Variants in ALOX15B observed in about 807,000 individuals in gnomAD.
The protein encoded by ALOX15B is polyunsaturated fatty acid lipoxygenase ALOX15B.
A neutral mutation model predicts 73.8 loss-of-function variants in ALOX15B; 74 were observed. That is an observed-to-expected ratio of 1.00 (90% CI 0.83 to 1.22). The LOEUF is 1.22. ALOX15B is among the 50% of genes most tolerant of loss of function. ALOX15B has a pLI of 0.00. For synonymous variants in ALOX15B, 353 were observed against 357.2 expected (o/e 0.99, Z 0.13); for missense variants, 896 against 859.9 (o/e 1.04, Z -0.52).
rs780788229 is a variant in ALOX15B at position 8,044,786 on chromosome 17, C to T, written c.677-43C>T. ...CGTGTCCCCCACCCCCTGCAAAGCACGCATTTGAGTGACCCCGTTCCCCTG... is the reference window on the plus strand; with the variant it reads ...CGTGTCCCCCACCCCCTGCAAAGCATGCATTTGAGTGACCCCGTTCCCCTG... On this transcript the variant is annotated intron_variant, in intron 5 of 13. Coordinates refer to ENST00000380183, the MANE Select transcript of ALOX15B (RefSeq NM_001141.3). 33 of 1,264,046 alleles carry T rather than the reference C, an allele frequency of 2.6e-5. 1 individual carries two copies. The Middle Eastern group carries it at 2.7e-3, about 105-fold the overall frequency. 78.3% of individuals were successfully genotyped at this position (1,264,046 alleles called of 1,614,324 possible).
intron 5 of ALOX15B, among the ~76,000 whole-genome samples, chr17:8,044,120 G>GAAGA: frequency 7.2e-6 from 1 of 139,294 alleles, no homozygotes; most frequent in Non-Finnish European, 1.6e-5. Context: ...AGGAAGGAAG[G>GAAGA]AAGGAAGGAA....
At position 8,047,015 on chromosome 17, in the gene ALOX15B, G is replaced by A; in HGVS notation, c.1396G>A (p.Glu466Lys). The change falls in exon 10 of 14, where the codon GAA (glutamate) becomes AAA (lysine). Residue 466 changes from glutamate (E) to lysine (K), a missense_variant. Transcript: ENST00000380183. ...LPEDIRTRGVEDIPGYYYRDD... is the reference protein window; with the variant it reads ...LPEDIRTRGVKDIPGYYYRDD... ...TGAGGATATCCGGACCCGAGGAGTT[G>A]AAGACATCCCAGGCTACTACTACCG... 8 of 1,614,102 alleles carry A rather than the reference G, an allele frequency of 5.0e-6. No homozygotes were observed. Among genetic ancestry groups the A allele is most frequent in the Non-Finnish European group, 6.8e-6 (8 of 1,180,016 alleles).
In ALOX15B at chr17:8,044,761, C is replaced by T. The variant is rs578113448; in HGVS notation, c.677-68C>T. Reference sequence around the variant, plus strand: ...GTGGGAGCTGGGGTAACCCCGTCCCCGTGTCCCCCACCCCCTGCAAAGCAC... The same window carrying T: ...GTGGGAGCTGGGGTAACCCCGTCCCTGTGTCCCCCACCCCCTGCAAAGCAC... On this transcript the variant is annotated intron_variant, in intron 5 of 13. Coordinates refer to ENST00000380183, the MANE Select transcript of ALOX15B (RefSeq NM_001141.3). 439 of 1,049,518 alleles carry T rather than the reference C, an allele frequency of 4.2e-4. 15 individuals carry two copies. The highest frequency in any genetic ancestry group is 3.1e-3 in the African/African-American group (194 of 62,224). 65.0% of individuals were successfully genotyped at this position (1,049,518 alleles called of 1,614,324 possible).
chr17:8,042,584 G>A, intron 4 of ALOX15B, 93 bp downstream of exon 4: 2 of 1,526,630 alleles, frequency 1.3e-6, no homozygotes, highest in Non-Finnish European at 1.8e-6. Context: ...CACCCTCAGT[G>A]ATATGAGTCA....
chr17:8,047,439 C>G (rs1976641749), intron 11 of ALOX15B, 60 bp downstream of exon 11: 1 of 1,606,660 alleles, frequency 6.2e-7, no homozygotes, highest in Non-Finnish European at 8.5e-7. Context: ...TCCCCCACCC[C>G]CTGCAGAGCA....
In ALOX15B at chr17:8,046,904, C is replaced by G; in HGVS notation, c.1288-3C>G. On this transcript the variant is annotated splice_polypyrimidine_tract_variant and splice_region_variant and intron_variant, in intron 9 of 13. Transcript: ENST00000380183. ...TGTAGGACCCAAGAGTCCTGTCTCT[C>G]AGTCCACAGGCATCGGCATTGAAGG... is the stretch of plus-strand genomic sequence containing the variant. 6.2e-7 allele frequency: 1 copy of G among 1,614,034 alleles called. No homozygotes were observed. The highest frequency in any genetic ancestry group is 8.5e-7 in the Non-Finnish European group (1 of 1,179,938).
At position 8,047,278 on chromosome 17, in the gene ALOX15B, G is replaced by A. The variant is rs561187104; in HGVS notation, c.1478G>A (p.Gly493Asp). 11 of 1,613,934 alleles carry A rather than the reference G, an allele frequency of 6.8e-6. No homozygotes were observed. In the South Asian group the frequency reaches 8.8e-5, roughly 13 times the overall value. ...AVERFVSEIIGIYYPSDESVQ... is the reference protein window; with the variant it reads ...AVERFVSEIIDIYYPSDESVQ... ...TGCAGCTTTGTCTCTGAAATCATCG[G>A]TATCTACTACCCAAGTGATGAGTCT... The change falls in exon 11 of 14, where the codon GGT becomes GAT. Residue 493 changes from glycine to aspartate, a missense_variant. Transcript: ENST00000380183.
Position 8,039,527 on chromosome 17 carries a change from C to CT in ALOX15B, c.289_290insT (p.Pro97LeufsTer68). The CT allele has an allele frequency of 8.4e-6, 13 of 1,552,004 alleles. No individual in the cohort carries two copies. The highest frequency in any genetic ancestry group is 9.5e-6 in the Non-Finnish European group (11 of 1,152,358). On this transcript the variant is annotated frameshift_variant, in exon 2 of 14. Coordinates refer to ENST00000380183, the MANE Select transcript of ALOX15B (RefSeq NM_001141.3). LOFTEE classifies it high-confidence loss of function. ...CTGCCGCTGGTTCCAGCTGACACCG[C>CT]CGCGGGGCGGCCACCTCCTCTTCCC...
Position 8,045,586 on chromosome 17 carries a change from T to A in ALOX15B, c.1100T>A (p.Phe367Tyr). 6.2e-7 allele frequency: 1 copy of A among 1,614,146 alleles called. No homozygotes were observed. The change falls in exon 8 of 14, where the codon TTC becomes TAC. Residue 367 changes from phenylalanine to tyrosine, a missense_variant. Coordinates refer to ENST00000380183, the MANE Select transcript of ALOX15B (RefSeq NM_001141.3). ...KTWVRNAEFS[F>Y]HEALTHLLHS... ...TGGGTGCGCAATGCCGAGTTCTCCTTCCATGAGGCCCTCACGCACCTGCTG... is the reference window on the plus strand; with the variant it reads ...TGGGTGCGCAATGCCGAGTTCTCCTACCATGAGGCCCTCACGCACCTGCTG...
rs754210478 is a variant in ALOX15B at position 8,045,583 on chromosome 17, C to T, written c.1097C>T (p.Ser366Phe). The T allele has an allele frequency of 3.0e-5, 48 of 1,614,076 alleles. No individual in the cohort carries two copies. Among genetic ancestry groups the T allele is most frequent in the South Asian group, 7.7e-5 (7 of 91,092 alleles). The change falls in exon 8 of 14, where the codon TCC (serine) becomes TTC (phenylalanine). Residue 366 changes from serine to phenylalanine, a missense_variant. By Grantham distance (155) the Ser-to-Phe change is radical. Coordinates refer to ENST00000380183, the MANE Select transcript of ALOX15B (RefSeq NM_001141.3). ...AKTWVRNAEF[S>F]FHEALTHLLH... ...ACCTGGGTGCGCAATGCCGAGTTCT[C>T]CTTCCATGAGGCCCTCACGCACCTG...
At chr17:8,044,423 CAAAA>C (rs56146478) in intron 5 of ALOX15B, among the ~76,000 whole-genome samples, 1 of 93,722 alleles carries the variant, frequency 1.1e-5, no homozygotes. Flanking sequence ...CAGCCTGTCT[CAAAA>C]AAAAAAAAAA....
chr17:8,040,644 A>AAAGAAAGG (rs1976433531), intron 3 of ALOX15B, among the ~76,000 whole-genome samples: 1 of 122,516 alleles, frequency 8.2e-6, no homozygotes, highest in East Asian at 2.5e-4. Context: ...AGAAAGAAAG[A>AAAGAAAGG]AAGAAAGAAA....
At chr17:8,044,105 G>GGA (rs1555638987) in intron 5 of ALOX15B, among the ~76,000 whole-genome samples, 2 of 62,318 alleles carry the variant, frequency 3.2e-5, no homozygotes, top group Admixed American at 1.8e-4. Flanking sequence ...GAGAGAGAGA[G>GGA]AGGAAGGAAG....
intron 4 of ALOX15B, 142 bp downstream of exon 4, chr17:8,042,633 AATCCC>A (rs1179535065): frequency 1.5e-6 from 2 of 1,370,734 alleles, no homozygotes; most frequent in Non-Finnish European, 2.0e-6. Context: ...TCCCACTACC[AATCCC>A]ACAGAGCAAC....
chr17:8,041,355 G>C (rs915109278), intron 3 of ALOX15B, among the ~76,000 whole-genome samples: 4 of 152,326 alleles, frequency 2.6e-5, no homozygotes, highest in African/African-American at 9.6e-5. Flanking sequence ...GCTAAGTCTT[G>C]CACAACTGTG....
chr17:8,048,681 G>A lies in ALOX15B; in HGVS notation c.*116G>A. The A allele has an allele frequency of 8.6e-7, 1 of 1,156,264 alleles. No individual in the cohort carries two copies. 71.6% of individuals were successfully genotyped at this position (1,156,264 alleles called of 1,614,324 possible). ...ACAGGCCCCCATGTGCCTCTCCTGG[G>A]ACAACCAGACTCTGTAACTCACCCC... On this transcript the variant is annotated 3_prime_UTR_variant, in exon 14 of 14. Transcript: ENST00000380183.
rs1412109945 is a variant in ALOX15B, at chr17:8,046,923, T to A, written c.1304T>A (p.Ile435Asn). The change falls in exon 10 of 14, where the codon ATT becomes AAT. Residue 435 changes from isoleucine to asparagine, a missense_variant. By Grantham distance (149) the Ile-to-Asn change is moderately radical. Transcript: ENST00000380183. The stretch of plus-strand genomic sequence containing the variant: ...GTCTCTCAGTCCACAGGCATCGGCA[T>A]TGAAGGCTTCTCTGAGTTGATACAG... ...QVVDRSTGIG[I>N]EGFSELIQRN... The A allele has an allele frequency of 6.2e-7, 1 of 1,614,024 alleles. No homozygotes were observed. The highest frequency in any genetic ancestry group is 1.3e-5 in the African/African-American group (1 of 74,910).
At chr17:8,040,578 A>C (rs1467822725) in intron 3 of ALOX15B, among the ~76,000 whole-genome samples, 1 of 145,786 alleles carries the variant, frequency 6.9e-6, no homozygotes, top group African/African-American at 2.6e-5. Context: ...AAGGAAAAGG[A>C]AGGAAAGAGA....
Position 8,039,486 on chromosome 17 carries a change from C to T in ALOX15B, c.248C>T (p.Ala83Val), listed in dbSNP as rs779033120. 16 of 1,584,996 alleles carry T rather than the reference C, an allele frequency of 1.0e-5. No individual in the cohort carries two copies. Among genetic ancestry groups the T allele is most frequent in the Non-Finnish European group, 8.6e-7 (1 of 1,167,820 alleles). ...GTGCTGCCCCTGCTGGGGCCCCTGGCCCCGGATGCCTGGTTCTGCCGCTGG... is the reference window on the plus strand; with the variant it reads ...GTGCTGCCCCTGCTGGGGCCCCTGGTCCCGGATGCCTGGTTCTGCCGCTGG... ...PPVLPLLGPLAPDAWFCRWFQ... is the reference protein window; with the variant it reads ...PPVLPLLGPLVPDAWFCRWFQ... The change falls in exon 2 of 14, where the codon GCC (alanine) becomes GTC (valine). Residue 83 changes from alanine to valine, a missense_variant. Ala to Val is a moderately conservative substitution (Grantham distance 64). Coordinates refer to ENST00000380183, the MANE Select transcript of ALOX15B (RefSeq NM_001141.3).
Sources: gnomAD v4.1 joint callset for allele counts (sites outside exome capture counted in the v4.1 genomes callset) on GRCh38, gnomAD v4.1.1 for gene constraint, MANE v1.5 for transcripts, NCBI Gene and HGNC (gene_info 2026-07-23, HGNC 2026-07-21) for gene names.